PDE1C: variants seen among roughly 807,000 people sequenced by gnomAD.
PDE1C encodes the protein phosphodiesterase 1C, also known as dual specificity calcium/calmodulin-dependent 3',5'-cyclic nucleotide phosphodiesterase 1C.
A neutral mutation model predicts 93.1 loss-of-function variants in PDE1C; 62 were observed. The ratio of observed to expected loss-of-function variants is 0.67; its 90% CI spans 0.54 to 0.82. The LOEUF (loss-of-function observed/expected upper bound fraction) is 0.82. Ranked by LOEUF, PDE1C falls within the 40% of genes least tolerant of loss-of-function variation. The pLI, the probability that PDE1C is intolerant of heterozygous loss-of-function variation, is 0.00. For synonymous variants in PDE1C, 325 were observed against 310.1 expected (o/e 1.05, Z -0.50); for missense variants, 742 against 884.6 (o/e 0.84, Z 2.04).
chr7:31,622,605 G>C, the PDE1C span, among the ~76,000 whole-genome samples: 55 of 151,810 alleles, frequency 3.6e-4, no homozygotes, highest in Non-Finnish European at 6.9e-4. Context: ...CACATTCAAA[G>C]CACTGTGTAG....
intron 1 of PDE1C, among the ~76,000 whole-genome samples, chr7:32,247,674 C>A (rs962468874): frequency 6.6e-6 from 1 of 152,246 alleles, no homozygotes; most frequent in South Asian, 2.1e-4. Flanking sequence ...GTACAGTATT[C>A]AATAAATAAC....
chr7:31,655,802 C>G, the PDE1C span: 1 of 985,654 alleles, frequency 1.0e-6, no homozygotes, highest in South Asian at 4.7e-5. Flanking sequence ...TTGACCTCCC[C>G]TTCTCCATGT....
chr7:32,039,681 T>C (rs1181536353), intron 2 of PDE1C, among the ~76,000 whole-genome samples: 1 of 152,214 alleles, frequency 6.6e-6, no homozygotes, highest in African/African-American at 2.4e-5. Context: ...TGTCAGGGTA[T>C]ACTAAGTAGG....
chr7:32,012,589 A>G (rs1187030163), intron 2 of PDE1C, among the ~76,000 whole-genome samples: 1 of 152,180 alleles, frequency 6.6e-6, no homozygotes, highest in Non-Finnish European at 1.5e-5. Flanking sequence ...AAAGCAGATA[A>G]TTCGTTGCCT....
intron 1 of PDE1C, among the ~76,000 whole-genome samples, chr7:32,056,567 T>A (rs1794136925): frequency 6.6e-6 from 1 of 152,116 alleles, no homozygotes. Flanking sequence ...GGTTTCCTCA[T>A]CTGTAAAATT....
chr7:31,880,644 T>C, intron 3 of PDE1C, 103 bp downstream of exon 3: 1 of 685,376 alleles, frequency 1.5e-6, no homozygotes, highest in Non-Finnish European at 2.5e-6. Flanking sequence ...GATGAGTAAT[T>C]TGAATGTCAC....
chr7:32,142,814 A>G (rs925614423), intron 3 of PDE1C, among the ~76,000 whole-genome samples: 3 of 152,192 alleles, frequency 2.0e-5, no homozygotes, highest in African/African-American at 7.2e-5. Context: ...TGAGTAAGAA[A>G]TAAAGTATTT....
chr7:31,752,815 A>G lies in PDE1C; in HGVS notation c.*569T>C, dbSNP rs1794203491. On this transcript the variant is annotated 3_prime_UTR_variant, in exon 18 of 18. Transcript: ENST00000396191. ...TTCTGAAATGTCCATGAATACAACA[A>G]TTCATCCGTCTTCTCTTCCTTTTAA... 6.6e-6 allele frequency: 1 copy of G among 152,216 alleles called. No individual in the cohort carries two copies. Among genetic ancestry groups the G allele is most frequent in the Non-Finnish European group, 1.5e-5 (1 of 68,042 alleles). 9.4% of individuals were successfully genotyped at this position (152,216 alleles called of 1,614,324 possible). A position where few individuals can be genotyped will look rare whatever the true frequency, so the allele number is the denominator to read the frequency against.
intron 1 of PDE1C, among the ~76,000 whole-genome samples, chr7:32,239,645 A>T (rs1808396176): frequency 6.6e-6 from 1 of 152,240 alleles, no homozygotes; most frequent in South Asian, 2.1e-4. Flanking sequence ...GGAAAATGAA[A>T]AACTAAAACC....
chr7:31,968,810 C>T lies in PDE1C; in HGVS notation c.128+82744G>A, dbSNP rs556476130. 9.2e-5 allele frequency among the ~76,000 whole-genome samples: 14 copies of T among 152,110 alleles called. No homozygotes were observed. The South Asian group carries it at 1.2e-3, about 14-fold the overall frequency. On this transcript the variant is annotated intron_variant, in intron 2 of 17. Transcript: ENST00000396191. ...ATAGACAAATGGAACAGAACAGAGC[C>T]CTCAGAAATAATGCTGCTTATCTAC...
rs982561305 is a variant in PDE1C, at chr7:32,159,479, A to G, written c.308+10306T>C. ...TAGGGTACCTTAATTTCACTGCAACAAACAAATGCAGTTAAAGTCATTCAT... is the reference window on the plus strand; with the variant it reads ...TAGGGTACCTTAATTTCACTGCAACGAACAAATGCAGTTAAAGTCATTCAT... On this transcript the variant is annotated intron_variant, in intron 3 of 18. Transcript: ENST00000396193. 7.2e-5 allele frequency among the ~76,000 whole-genome samples: 11 copies of G among 152,316 alleles called. No individual in the cohort carries two copies. The South Asian group carries it at 2.3e-3, about 32-fold the overall frequency.
At chr7:31,835,843 A>C in intron 11 of PDE1C, among the ~76,000 whole-genome samples, 1 of 152,146 alleles carries the variant, frequency 6.6e-6, no homozygotes, top group East Asian at 1.9e-4. Context: ...AAACACACAC[A>C]CACAGGCACA....
At chr7:32,094,586 A>G (rs569002755) in intron 3 of PDE1C, among the ~76,000 whole-genome samples, 2 of 152,328 alleles carry the variant, frequency 1.3e-5, no homozygotes, top group Admixed American at 6.5e-5. Context: ...AGTGGCTAAG[A>G]GAGTGCCAAC....
intron 7 of PDE1C, among the ~76,000 whole-genome samples, chr7:31,860,509 T>C (rs1023679112): frequency 6.6e-6 from 1 of 152,216 alleles, no homozygotes; most frequent in African/African-American, 2.4e-5. Flanking sequence ...GTGCATCTTT[T>C]CATATTTCTT....
chr7:31,761,098 T>TTATCACTCCCTA (rs760292018), intron 17 of PDE1C, among the ~76,000 whole-genome samples: 26 of 151,520 alleles, frequency 1.7e-4, no homozygotes, highest in African/African-American at 6.1e-4. Context: ...TGGGCATGTA[T>TTATCACTCCCTA]TTTGGCTAAA....
chr7:32,273,559 C>T (rs1314518785), intron 1 of PDE1C, among the ~76,000 whole-genome samples: 4 of 152,144 alleles, frequency 2.6e-5, no homozygotes, highest in Non-Finnish European at 5.9e-5. Context: ...TGGTTCCTTG[C>T]ATTTGTTTGT....
intron 6 of PDE1C, among the ~76,000 whole-genome samples, chr7:31,871,239 C>A (rs746138448): frequency 6.6e-6 from 1 of 151,854 alleles, no homozygotes; most frequent in Admixed American, 6.6e-5. Context: ...AAATCTATTA[C>A]GGACTTAAAC....
chr7:32,185,247 G>GAAA (rs60570476), intron 2 of PDE1C, among the ~76,000 whole-genome samples: 3 of 101,576 alleles, frequency 3.0e-5, no homozygotes, highest in Non-Finnish European at 6.2e-5. Flanking sequence ...CTCTGTCTCA[G>GAAA]AAAAAAAAAA....
At chr7:31,982,884 T>C (rs560902187) in intron 2 of PDE1C, among the ~76,000 whole-genome samples, 8 of 152,352 alleles carry the variant, frequency 5.3e-5, no homozygotes, top group African/African-American at 1.9e-4. Flanking sequence ...TGAGGCATAT[T>C]CAGGCTGACC....
Sources: allele counts gnomAD v4.1 joint callset (sites outside exome capture counted in the v4.1 genomes callset), GRCh38; gene constraint gnomAD v4.1.1; transcripts MANE v1.5; gene names NCBI Gene and HGNC (gene_info 2026-07-23, HGNC 2026-07-21).